Variants in ARHGEF38 observed in about 807,000 individuals in gnomAD.
ARHGEF38 encodes the protein Rho guanine nucleotide exchange factor (GEF) 38.
In ARHGEF38, 79 loss-of-function variants were observed where a neutral mutation model predicts 79.9. The ratio of observed to expected loss-of-function variants is 0.99; its 90% CI spans 0.82 to 1.19. The LOEUF (loss-of-function observed/expected upper bound fraction) is 1.19, where lower values mean the gene tolerates loss of function less well. ARHGEF38 is among the 50% of genes most tolerant of loss of function. The probability of loss-of-function intolerance (pLI) is 0.00; values close to 1 mark genes in which losing one functional copy is unlikely to be tolerated. For synonymous variants in ARHGEF38, 366 were observed against 328.3 expected (o/e 1.11, Z -1.24); for missense variants, 962 against 907.2 (o/e 1.06, Z -0.78).
chr4:105,591,290 G>A (rs145912735), intron 2 of ARHGEF38, among the ~76,000 whole-genome samples: 12 of 151,974 alleles, frequency 7.9e-5, no homozygotes, highest in African/African-American at 1.5e-4. Context: ...GTGCAGTGGC[G>A]CTGTCTCTGC....
intron 2 of ARHGEF38, among the ~76,000 whole-genome samples, chr4:105,611,648 A>T (rs1460544875): frequency 1.3e-5 from 2 of 152,166 alleles, no homozygotes; most frequent in Admixed American, 6.6e-5. Flanking sequence ...TAATATAGAA[A>T]TTGAAAATCT....
At chr4:105,668,458 C>G (rs1183039904) in intron 13 of ARHGEF38, among the ~76,000 whole-genome samples, 1 of 152,170 alleles carries the variant, frequency 6.6e-6, no homozygotes, top group African/African-American at 2.4e-5. Flanking sequence ...GCAAAAGCTA[C>G]TGGTACAATC....
chr4:105,622,862 T>G (rs992375912), intron 3 of ARHGEF38, among the ~76,000 whole-genome samples: 1 of 152,136 alleles, frequency 6.6e-6, no homozygotes, highest in African/African-American at 2.4e-5. Flanking sequence ...TGCACACATG[T>G]TATTTCATTT....
intron 1 of ARHGEF38, chr4:105,570,330 A>C (rs1437990189): frequency 6.6e-6 from 1 of 152,232 alleles, no homozygotes; most frequent in Non-Finnish European, 1.5e-5. Flanking sequence ...AATAGTGTAT[A>C]ATGCTTTAAT....
At chr4:105,553,024 C>T (rs2110380187) in intron 1 of ARHGEF38, 63 bp downstream of exon 1, 1 of 1,333,758 alleles carries the variant, frequency 7.5e-7, no homozygotes. Context: ...TGCTACGTTT[C>T]CAATTGCAAA....
intron 2 of ARHGEF38, among the ~76,000 whole-genome samples, chr4:105,610,995 A>G (rs763005691): frequency 2.0e-5 from 3 of 152,098 alleles, no homozygotes; most frequent in Non-Finnish European, 2.9e-5. Context: ...GAAGGCATAG[A>G]ACAAAAAGGC....
At chr4:105,659,723 T>C (rs1454729736) in intron 10 of ARHGEF38, among the ~76,000 whole-genome samples, 4 of 152,180 alleles carry the variant, frequency 2.6e-5, no homozygotes, top group African/African-American at 9.7e-5. Context: ...TCTTAGATGT[T>C]AACTGTGACT....
intron 1 of ARHGEF38, among the ~76,000 whole-genome samples, chr4:105,562,644 G>C (rs947975172): frequency 6.6e-6 from 1 of 152,286 alleles, no homozygotes; most frequent in Admixed American, 6.5e-5. Context: ...TATGTGCCAG[G>C]TATGACTAGG....
chr4:105,626,405 A>G (rs1728948894), intron 3 of ARHGEF38, among the ~76,000 whole-genome samples: 1 of 152,142 alleles, frequency 6.6e-6, no homozygotes, highest in South Asian at 2.1e-4. Flanking sequence ...ATGCAAATAT[A>G]TTACATATTT....
chr4:105,668,929 C>T (rs549473963), intron 13 of ARHGEF38, among the ~76,000 whole-genome samples: 1 of 152,100 alleles, frequency 6.6e-6, no homozygotes, highest in East Asian at 1.9e-4. Flanking sequence ...ATCTGTAGTC[C>T]CAGCTACTGG....
chr4:105,614,739 T>C (rs919142542), intron 3 of ARHGEF38, among the ~76,000 whole-genome samples: 8 of 152,236 alleles, frequency 5.3e-5, no homozygotes, highest in African/African-American at 1.7e-4. Flanking sequence ...TTAGTGTGAA[T>C]TCATTGGCTA....
chr4:105,665,932 T>C (rs186807251), intron 10 of ARHGEF38, among the ~76,000 whole-genome samples: 72 of 152,312 alleles, frequency 4.7e-4, no homozygotes, highest in African/African-American at 1.6e-3. Flanking sequence ...AAGACTTCAT[T>C]GCTATTTTTT....
At position 105,557,598 on chromosome 4, in the gene ARHGEF38, T is replaced by TA. The variant is rs61065334; in HGVS notation, c.196+4653dup. On this transcript the variant is annotated intron_variant, in intron 1 of 13. Coordinates refer to ENST00000420470, the MANE Select transcript of ARHGEF38 (RefSeq NM_001242729.2). The stretch of plus-strand genomic sequence containing the variant: ...TTTGGTGAATGGGATTAGTGACCCT[T>TA]AAAAAAAAAAAAAAAAGGCAAGAGA... 7.1e-3 allele frequency among the ~76,000 whole-genome samples: 974 copies of TA among 137,098 alleles called. 5 individuals carry two copies. Among genetic ancestry groups the TA allele is most frequent in the Middle Eastern group, 0.04 (11 of 278 alleles). The allele number at this position is 137,098 out of a possible 152,430, so 89.9% of individuals were successfully genotyped here. A position where few individuals can be genotyped will look rare whatever the true frequency, so the allele number is the denominator to read the frequency against.
chr4:105,647,381 G>A (rs993268511), intron 6 of ARHGEF38, among the ~76,000 whole-genome samples: 4 of 151,574 alleles, frequency 2.6e-5, no homozygotes, highest in African/African-American at 9.7e-5. Flanking sequence ...CGTATATCAT[G>A]AACATTCTTT....
rs1241047486 is a variant in ARHGEF38, at chr4:105,552,649, C to G, written c.-117C>G. ...ACAGCCAGGTAACCCTGGAGTGAAG[C>G]GGTTTAGTTAGAAGGGAGCAGATAA... On this transcript the variant is annotated 5_prime_UTR_variant, in exon 1 of 14. Transcript: ENST00000420470. 4.1e-6 allele frequency: 3 copies of G among 740,244 alleles called. No individual in the cohort carries two copies. The highest frequency in any genetic ancestry group is 2.9e-5 in the East Asian group (1 of 34,944). The allele number at this position is 740,244 out of a possible 1,614,324, so 45.9% of individuals were successfully genotyped here. A position where few individuals can be genotyped will look rare whatever the true frequency, so the allele number is the denominator to read the frequency against.
intron 1 of ARHGEF38, among the ~76,000 whole-genome samples, chr4:105,576,635 T>C (rs1414322144): frequency 6.6e-6 from 1 of 152,158 alleles, no homozygotes; most frequent in Non-Finnish European, 1.5e-5. Context: ...AGTTTGACTT[T>C]CTCTTTTCCA....
Position 105,680,342 on chromosome 4 carries a change from C to T in ARHGEF38, c.*2405C>T. On this transcript the variant is annotated 3_prime_UTR_variant, in exon 14 of 14. Transcript: ENST00000420470. ...TCCTAAAAGCTTACTTGTTAGCACACTTGCTTATCTGTCCATTCATTCATT... is the reference window on the plus strand; with the variant it reads ...TCCTAAAAGCTTACTTGTTAGCACATTTGCTTATCTGTCCATTCATTCATT... The T allele has an allele frequency of 3.7e-6, 1 of 267,204 alleles. No homozygotes were observed. Among genetic ancestry groups the T allele is most frequent in the Non-Finnish European group, 7.3e-6 (1 of 136,684 alleles). 16.6% of individuals were successfully genotyped at this position (267,204 alleles called of 1,614,324 possible).
At chr4:105,612,724 T>G (rs575533710) in intron 2 of ARHGEF38, among the ~76,000 whole-genome samples, 3 of 152,292 alleles carry the variant, frequency 2.0e-5, no homozygotes, top group South Asian at 4.1e-4. Flanking sequence ...TCGTAATTCT[T>G]GGTACATAGA....
chr4:105,565,522 G>T (rs1254245238), intron 1 of ARHGEF38, among the ~76,000 whole-genome samples: 1 of 152,106 alleles, frequency 6.6e-6, no homozygotes, highest in Non-Finnish European at 1.5e-5. Context: ...TCATATCTGG[G>T]GGTTTCGTAA....
Sources: allele counts gnomAD v4.1 joint callset (sites outside exome capture counted in the v4.1 genomes callset), GRCh38; gene constraint gnomAD v4.1.1; transcripts MANE v1.5; gene names NCBI Gene and HGNC (gene_info 2026-07-23, HGNC 2026-07-21).